RANBP2: variants seen among roughly 807,000 people sequenced by gnomAD.
The protein encoded by RANBP2 is E3 SUMO-protein ligase RanBP2.
RANBP2 carries 57 observed loss-of-function variants against 303.6 expected under a neutral mutation model. The ratio of observed to expected loss-of-function variants is 0.19; its 90% CI spans 0.15 to 0.23. RANBP2 has a LOEUF of 0.23. RANBP2 is among the 10% of genes least tolerant of loss of function. The pLI is 1.00. For missense variants in RANBP2, 3,138 were observed against 3,780.8 expected, an observed-to-expected ratio of 0.83 and a Z score of 4.46; for synonymous variants, 1,167 against 1,301.5, an observed-to-expected ratio of 0.90 and a Z score of 2.23.
chr2:109,224,937 G>A, the RANBP2 span, among the ~76,000 whole-genome samples: 5 of 152,008 alleles, frequency 3.3e-5, no homozygotes, highest in Admixed American at 3.3e-4. Context: ...CTACTCTAAT[G>A]GACAGCTAGA....
the RANBP2 span, among the ~76,000 whole-genome samples, chr2:108,811,248 T>TC: frequency 4.1e-4 from 51 of 123,016 alleles, 1 homozygote; most frequent in Non-Finnish European, 6.8e-4. Flanking sequence ...TCTCTCTCTC[T>TC]TTTTTTTTTT....
chr2:109,292,013 G>A, the RANBP2 span, among the ~76,000 whole-genome samples: 4 of 152,084 alleles, frequency 2.6e-5, no homozygotes, highest in African/African-American at 7.2e-5. Flanking sequence ...ACAGGCGCAC[G>A]CCACCACGCC....
chr2:108,883,890 C>G, the RANBP2 span: 1 of 152,136 alleles, frequency 6.6e-6, no homozygotes, highest in South Asian at 2.1e-4. Flanking sequence ...GACTGACTCA[C>G]TAGCATCACT....
chr2:108,917,170 A>C, the RANBP2 span, among the ~76,000 whole-genome samples: 1 of 152,218 alleles, frequency 6.6e-6, no homozygotes, highest in Non-Finnish European at 1.5e-5. Flanking sequence ...TGTGGCAAAA[A>C]AGGAAATGGA....
chr2:109,655,486 G>A, the RANBP2 span, among the ~76,000 whole-genome samples: 1 of 152,136 alleles, frequency 6.6e-6, no homozygotes, highest in Non-Finnish European at 1.5e-5. Flanking sequence ...TCATGCACAG[G>A]AAGAGGATGG....
the RANBP2 span, among the ~76,000 whole-genome samples, chr2:109,194,877 A>T: frequency 4.2e-4 from 64 of 152,306 alleles, no homozygotes; most frequent in African/African-American, 1.5e-3. Context: ...CTACAAACTC[A>T]GTTTTTAAAA....
At chr2:108,791,695 CT>C in the RANBP2 span, 1 of 1,607,352 alleles carries the variant, frequency 6.2e-7, no homozygotes. Context: ...GAACTGGATT[CT>C]TTCCATGATT....
At chr2:109,236,164 AT>A in the RANBP2 span, among the ~76,000 whole-genome samples, 3 of 152,320 alleles carry the variant, frequency 2.0e-5, no homozygotes, top group East Asian at 5.8e-4. Flanking sequence ...AGAACTCTTA[AT>A]CACTGCCAAA....
chr2:108,833,206 A>G, the RANBP2 span, among the ~76,000 whole-genome samples: 3 of 152,256 alleles, frequency 2.0e-5, no homozygotes, highest in South Asian at 2.1e-4. Flanking sequence ...CAAAATCTGT[A>G]GACTATACAA....
the RANBP2 span, among the ~76,000 whole-genome samples, chr2:108,833,295 CA>C: frequency 2.6e-5 from 4 of 152,278 alleles, no homozygotes; most frequent in African/African-American, 9.6e-5. Flanking sequence ...AAATGTACCA[CA>C]CTGGTAAAGA....
the RANBP2 span, among the ~76,000 whole-genome samples, chr2:109,434,962 G>A: frequency 6.6e-6 from 1 of 152,198 alleles, no homozygotes; most frequent in Non-Finnish European, 1.5e-5. Flanking sequence ...TCCTGACACT[G>A]GAGCACTTAG....
the RANBP2 span, among the ~76,000 whole-genome samples, chr2:108,968,359 T>A: frequency 6.6e-6 from 1 of 152,184 alleles, no homozygotes; most frequent in Non-Finnish European, 1.5e-5. Flanking sequence ...GGATTATGCA[T>A]CCCTATAGAA....
the RANBP2 span, among the ~76,000 whole-genome samples, chr2:109,125,964 T>A: frequency 6.6e-6 from 1 of 152,244 alleles, no homozygotes; most frequent in Non-Finnish European, 1.5e-5. Context: ...TTTTGAGAAC[T>A]AAATCGGTTG....
chr2:108,913,139 C>T, the RANBP2 span, among the ~76,000 whole-genome samples: 6 of 152,058 alleles, frequency 3.9e-5, no homozygotes, highest in South Asian at 2.1e-4. Flanking sequence ...TTAGTAGAGA[C>T]GGGGTTTCAC....
At chr2:109,376,461 A>T in the RANBP2 span, among the ~76,000 whole-genome samples, 1 of 152,218 alleles carries the variant, frequency 6.6e-6, no homozygotes, top group African/African-American at 2.4e-5. Context: ...CTTAGAAGGC[A>T]TGTTAGCAAA....
At chr2:108,856,767 A>G in the RANBP2 span, 1 of 1,594,110 alleles carries the variant, frequency 6.3e-7, no homozygotes, top group Non-Finnish European at 8.5e-7. Context: ...GCAAAACTGC[A>G]GTTGATTGTA....
At chr2:109,353,918 G>A in the RANBP2 span, among the ~76,000 whole-genome samples, 2 of 152,156 alleles carry the variant, frequency 1.3e-5, no homozygotes, top group Non-Finnish European at 2.9e-5. Context: ...TCCCTCTGGA[G>A]TTCAGATACG....
At chr2:108,804,388 A>G in the RANBP2 span, among the ~76,000 whole-genome samples, 1 of 152,192 alleles carries the variant, frequency 6.6e-6, no homozygotes, top group Non-Finnish European at 1.5e-5. Context: ...TATCTAACAT[A>G]TTTTGAGATG....
the RANBP2 span, among the ~76,000 whole-genome samples, chr2:109,764,499 C>T: frequency 1.3e-5 from 2 of 149,432 alleles, no homozygotes; most frequent in African/African-American, 4.9e-5. Flanking sequence ...GTGCTGGTTT[C>T]TGTGGGAGAT....
Sources: allele counts gnomAD v4.1 joint callset (sites outside exome capture counted in the v4.1 genomes callset), GRCh38; gene constraint gnomAD v4.1.1; transcripts MANE v1.5; gene names NCBI Gene and HGNC (gene_info 2026-07-23, HGNC 2026-07-21).